The following CABCOCO1 variants were observed in gnomAD, a reference collection of about 807,000 sequenced individuals.
CABCOCO1 encodes ciliary associated calcium binding coiled-coil 1, also known as ciliary-associated calcium-binding coiled-coil protein 1.
CABCOCO1 carries 28 observed loss-of-function variants against 35.7 expected under a neutral mutation model. That is an observed-to-expected ratio of 0.78 (90% confidence interval 0.58 to 1.07). CABCOCO1 has a LOEUF of 1.07. Ranked by LOEUF, CABCOCO1 falls within the 50% of genes least tolerant of loss-of-function variation. The pLI, the probability that CABCOCO1 is intolerant of heterozygous loss-of-function variation, is 0.00. For missense variants in CABCOCO1, 326 were observed against 309.2 expected (o/e 1.05, Z -0.41); for synonymous variants, 95 against 100.1 (o/e 0.95, Z 0.30).
rs111627299 is a variant in CABCOCO1 at position 61,673,119 on chromosome 10, A to C, written c.164+384A>C. ...TGTGTTTTCTGTAATTATAATGGGC[A>C]ATGCATTTTATTATTTTGGAAATCT... is the stretch of plus-strand genomic sequence containing the variant. On this transcript the variant is annotated intron_variant, in intron 2 of 7. Coordinates refer to ENST00000648843, the MANE Select transcript of CABCOCO1 (RefSeq NM_001366906.2). 3.3e-3 allele frequency among the ~76,000 whole-genome samples: 508 copies of C among 152,290 alleles called. 1 individual carries two copies. The highest frequency in any genetic ancestry group is 3.9e-3 in the Non-Finnish European group (265 of 68,000).
At chr10:61,715,607 T>A (rs1247911117) in intron 5 of CABCOCO1, among the ~76,000 whole-genome samples, 3 of 152,242 alleles carry the variant, frequency 2.0e-5, no homozygotes, top group African/African-American at 7.2e-5. Context: ...CTTCATAGCA[T>A]CGATGGTCTT....
At chr10:61,755,587 A>T (rs1223327355) in intron 5 of CABCOCO1, among the ~76,000 whole-genome samples, 1 of 152,040 alleles carries the variant, frequency 6.6e-6, no homozygotes, top group Non-Finnish European at 1.5e-5. Flanking sequence ...GCTTGAGCAG[A>T]TTTATCTTGC....
intron 4 of CABCOCO1, among the ~76,000 whole-genome samples, chr10:61,688,694 C>T (rs1486508517): frequency 2.0e-5 from 3 of 152,166 alleles, no homozygotes; most frequent in Non-Finnish European, 4.4e-5. Flanking sequence ...AAAATCAACC[C>T]TGCCGCTCTG....
intron 1 of CABCOCO1, among the ~76,000 whole-genome samples, chr10:61,672,290 T>A (rs12765373): frequency 0.13 from 20,143 of 152,234 alleles, 1,651 homozygotes; most frequent in East Asian, 0.23. Flanking sequence ...TCTCACTAGA[T>A]GTTAAGCTTC....
At chr10:61,741,714 G>C (rs931204962) in intron 5 of CABCOCO1, among the ~76,000 whole-genome samples, 1 of 152,080 alleles carries the variant, frequency 6.6e-6, no homozygotes, top group Non-Finnish European at 1.5e-5. Flanking sequence ...TGTACCTGAA[G>C]GGCTGATTAG....
intron 5 of CABCOCO1, among the ~76,000 whole-genome samples, chr10:61,758,123 T>C (rs1405422582): frequency 2.0e-5 from 3 of 151,998 alleles, no homozygotes; most frequent in Non-Finnish European, 2.9e-5. Context: ...ATTCAATTCC[T>C]TTCTCTCTTC....
intron 6 of CABCOCO1, 138 bp from the exon 7 acceptor site, chr10:61,760,725 C>T: frequency 1.0e-6 from 1 of 1,003,804 alleles, no homozygotes; most frequent in Non-Finnish European, 1.4e-6. Context: ...ACCTATGTAA[C>T]AAACCTACAC....
Position 61,693,166 on chromosome 10 carries a change from A to G in CABCOCO1, c.552+2545A>G, listed in dbSNP as rs73287778. ...CCCCAAGCTGACCAGAGCAATAAAA[A>G]AAAATCTTTAAGAGAATGATACTGG... On this transcript the variant is annotated intron_variant, in intron 5 of 7. Coordinates refer to ENST00000648843, the MANE Select transcript of CABCOCO1 (RefSeq NM_001366906.2). 5.2e-3 allele frequency among the ~76,000 whole-genome samples: 793 copies of G among 152,228 alleles called. 8 individuals are homozygous for G. Among genetic ancestry groups the G allele is most frequent in the African/African-American group, 0.017 (714 of 41,538 alleles).
At chr10:61,721,126 G>A (rs1841008414) in intron 5 of CABCOCO1, among the ~76,000 whole-genome samples, 1 of 151,242 alleles carries the variant, frequency 6.6e-6, no homozygotes, top group South Asian at 2.1e-4. Context: ...GGGTTTCACC[G>A]TGTTAGCCAG....
At chr10:61,664,992 T>A (rs1251781902) in intron 1 of CABCOCO1, among the ~76,000 whole-genome samples, 1 of 152,164 alleles carries the variant, frequency 6.6e-6, no homozygotes, top group Non-Finnish European at 1.5e-5. Flanking sequence ...AAATTCTGTA[T>A]CCAAAATGAC....
At chr10:61,701,600 C>A (rs1589130522) in intron 5 of CABCOCO1, 1 of 973,898 alleles carries the variant, frequency 1.0e-6, no homozygotes, top group East Asian at 1.1e-4. Context: ...TAAGAAAAAT[C>A]ATCATGTTTC....
At chr10:61,735,005 T>C (rs1263168282) in intron 5 of CABCOCO1, among the ~76,000 whole-genome samples, 1 of 152,118 alleles carries the variant, frequency 6.6e-6, no homozygotes, top group Non-Finnish European at 1.5e-5. Context: ...GCATTCTTGT[T>C]GTCCTGTGTT....
At chr10:61,736,118 A>G (rs1314065607) in intron 5 of CABCOCO1, among the ~76,000 whole-genome samples, 1 of 152,180 alleles carries the variant, frequency 6.6e-6, no homozygotes, top group East Asian at 1.9e-4. Context: ...TTGTATGTTT[A>G]CTCTGATAGT....
chr10:61,740,515 A>G (rs930134703), intron 5 of CABCOCO1, among the ~76,000 whole-genome samples: 33 of 152,234 alleles, frequency 2.2e-4, no homozygotes, highest in African/African-American at 8.0e-4. Context: ...TCTAAAATAT[A>G]TTTTTGAAGA....
At chr10:61,740,122 A>C (rs567194777) in intron 5 of CABCOCO1, among the ~76,000 whole-genome samples, 1 of 152,356 alleles carries the variant, frequency 6.6e-6, no homozygotes, top group East Asian at 1.9e-4. Flanking sequence ...ATGTGAATAT[A>C]AGTTTAGTTT....
intron 5 of CABCOCO1, among the ~76,000 whole-genome samples, chr10:61,700,565 G>T (rs1028260314): frequency 6.6e-6 from 1 of 152,030 alleles, no homozygotes; most frequent in African/African-American, 2.4e-5. Flanking sequence ...AATGTACATT[G>T]TTAAACTTTC....
At chr10:61,680,452 A>T (rs555137676) in intron 2 of CABCOCO1, among the ~76,000 whole-genome samples, 13 of 35,914 alleles carry the variant, frequency 3.6e-4, no homozygotes, top group African/African-American at 1.0e-3. Flanking sequence ...AATATATTTT[A>T]TATATAACAT....
intron 5 of CABCOCO1, among the ~76,000 whole-genome samples, chr10:61,718,077 A>G (rs1467272786): frequency 6.6e-6 from 1 of 152,190 alleles, no homozygotes; most frequent in Non-Finnish European, 1.5e-5. Context: ...GGCCATTTTC[A>G]TCCCTGTCTG....
intron 5 of CABCOCO1, among the ~76,000 whole-genome samples, chr10:61,721,414 G>T (rs575138300): frequency 1.3e-5 from 2 of 152,196 alleles, no homozygotes; most frequent in African/African-American, 4.8e-5. Context: ...CAACCAACCC[G>T]TGGTGGATAT....
Sources: gnomAD v4.1 joint callset for allele counts (sites outside exome capture counted in the v4.1 genomes callset) on GRCh38, gnomAD v4.1.1 for gene constraint, MANE v1.5 for transcripts, NCBI Gene and HGNC (gene_info 2026-07-23, HGNC 2026-07-21) for gene names.